The following ST6GALNAC3 variants were observed in gnomAD, a reference collection of about 807,000 sequenced individuals.
ST6GALNAC3 encodes ST6 N-acetylgalactosaminide alpha-2,6-sialyltransferase 3.
ST6GALNAC3 carries 25 observed loss-of-function variants against 32.7 expected under a neutral mutation model. That is an observed-to-expected ratio of 0.76 (90% confidence interval 0.56 to 1.07). The LOEUF is 1.07. Ranked by LOEUF, ST6GALNAC3 falls within the 50% of genes least tolerant of loss-of-function variation. The pLI is 0.00. For synonymous variants in ST6GALNAC3, 129 were observed against 133.1 expected (o/e 0.97, Z 0.21); for missense variants, 355 against 382.4 (o/e 0.93, Z 0.60).
At chr1:76,524,021 C>G (rs1365971774) in intron 3 of ST6GALNAC3, among the ~76,000 whole-genome samples, 1 of 152,058 alleles carries the variant, frequency 6.6e-6, no homozygotes, top group African/African-American at 2.4e-5. Flanking sequence ...TGATTTTAGC[C>G]TCTCTAATAC....
intron 3 of ST6GALNAC3, among the ~76,000 whole-genome samples, chr1:76,467,756 A>T (rs575669076): frequency 1.3e-5 from 2 of 151,940 alleles, no homozygotes; most frequent in South Asian, 4.1e-4. Context: ...ATTAGGAAAA[A>T]TTTTTTGCAA....
At chr1:76,469,976 A>C (rs1658908007) in intron 3 of ST6GALNAC3, among the ~76,000 whole-genome samples, 1 of 152,046 alleles carries the variant, frequency 6.6e-6, no homozygotes. Context: ...TTTTTTGGTA[A>C]CTAGCAATTC....
At chr1:76,134,960 T>A (rs1202631251) in intron 1 of ST6GALNAC3, among the ~76,000 whole-genome samples, 1 of 152,126 alleles carries the variant, frequency 6.6e-6, no homozygotes, top group Non-Finnish European at 1.5e-5. Flanking sequence ...CTGGCCAACA[T>A]GGTAAAACCC....
At chr1:76,613,797 T>C (rs1648098571) in intron 3 of ST6GALNAC3, among the ~76,000 whole-genome samples, 1 of 152,238 alleles carries the variant, frequency 6.6e-6, no homozygotes, top group Non-Finnish European at 1.5e-5. Flanking sequence ...TCTCCAGCAA[T>C]GCTTCCTGGG....
At chr1:76,491,072 G>T (rs562453305) in intron 3 of ST6GALNAC3, among the ~76,000 whole-genome samples, 2 of 152,046 alleles carry the variant, frequency 1.3e-5, no homozygotes, top group African/African-American at 4.8e-5. Flanking sequence ...TGGTCAGGCT[G>T]GTCTCGAACT....
intron 3 of ST6GALNAC3, among the ~76,000 whole-genome samples, chr1:76,505,422 A>G (rs544273751): frequency 9.9e-5 from 15 of 152,250 alleles, no homozygotes; most frequent in African/African-American, 3.6e-4. Flanking sequence ...GCGCCTGGCC[A>G]CCAAAACTAT....
chr1:76,620,914 A>G (rs17099267), intron 3 of ST6GALNAC3, among the ~76,000 whole-genome samples: 7,343 of 152,186 alleles, frequency 0.048, 213 homozygotes, highest in Non-Finnish European at 0.066. Flanking sequence ...AATGAAATCT[A>G]GAAAATCAGC....
chr1:76,422,885 C>G lies in ST6GALNAC3; in HGVS notation c.623+10468C>G, dbSNP rs1001734837. 2.6e-5 allele frequency among the ~76,000 whole-genome samples: 4 copies of G among 151,934 alleles called. No homozygotes were observed. In the East Asian group the frequency reaches 7.7e-4, roughly 29 times the overall value. ...GAGTTTTTTAACCTCCTGTGAAAGT[C>G]CTACTGCAACTCTGTCATTTTATTC... On this transcript the variant is annotated intron_variant, in intron 3 of 4. Coordinates refer to ENST00000328299, the MANE Select transcript of ST6GALNAC3 (RefSeq NM_152996.4).
At chr1:76,264,154 C>A (rs763262071) in intron 1 of ST6GALNAC3, among the ~76,000 whole-genome samples, 1 of 152,014 alleles carries the variant, frequency 6.6e-6, no homozygotes, top group African/African-American at 2.4e-5. Flanking sequence ...AACTTCTCAG[C>A]GAGTAGATAA....
At position 76,490,465 on chromosome 1, in the gene ST6GALNAC3, TAA is replaced by T. The variant is rs779091532; in HGVS notation, c.623+78049_623+78050del. 5.4e-5 allele frequency among the ~76,000 whole-genome samples: 8 copies of T among 148,960 alleles called. No homozygotes were observed. The South Asian group carries it at 8.3e-4, about 15-fold the overall frequency. Reference sequence around the variant, plus strand: ...ATACTTATATGTTATATATTATATATAAGTTATATGAGATATATATTTATATA... The same window carrying T: ...ATACTTATATGTTATATATTATATATGTTATATGAGATATATATTTATATA... On this transcript the variant is annotated intron_variant, in intron 3 of 4. Transcript: ENST00000328299.
At chr1:76,584,560 G>A (rs1295652389) in intron 3 of ST6GALNAC3, among the ~76,000 whole-genome samples, 2 of 152,212 alleles carry the variant, frequency 1.3e-5, no homozygotes, top group Non-Finnish European at 2.9e-5. Flanking sequence ...TTTTGTTCAG[G>A]ATGCATTAGG....
chr1:76,107,790 T>C (rs560969808), intron 1 of ST6GALNAC3, among the ~76,000 whole-genome samples: 34 of 152,274 alleles, frequency 2.2e-4, no homozygotes, highest in African/African-American at 7.9e-4. Flanking sequence ...CTATGGCAGA[T>C]CTACATTCTT....
chr1:76,201,138 T>C (rs1654492799), intron 1 of ST6GALNAC3, among the ~76,000 whole-genome samples: 1 of 152,168 alleles, frequency 6.6e-6, no homozygotes, highest in South Asian at 2.1e-4. Context: ...GAGTTAATCA[T>C]TGAGTTGTGT....
chr1:76,443,492 T>G (rs977377906), intron 3 of ST6GALNAC3, among the ~76,000 whole-genome samples: 1 of 152,224 alleles, frequency 6.6e-6, no homozygotes, highest in African/African-American at 2.4e-5. Flanking sequence ...AGGAGGAGTC[T>G]GCTTCCTGTC....
chr1:76,191,535 C>T (rs1216196408), intron 1 of ST6GALNAC3, among the ~76,000 whole-genome samples: 1 of 152,048 alleles, frequency 6.6e-6, no homozygotes, highest in Non-Finnish European at 1.5e-5. Context: ...TGAGAATGTC[C>T]TCACCATGTA....
intron 1 of ST6GALNAC3, among the ~76,000 whole-genome samples, chr1:76,133,779 G>A (rs1039957011): frequency 1.3e-5 from 2 of 152,208 alleles, no homozygotes; most frequent in Non-Finnish European, 2.9e-5. Flanking sequence ...CCAGGAGGAG[G>A]ATCCCACAGA....
chr1:76,530,860 T>G (rs1354575159), intron 3 of ST6GALNAC3, among the ~76,000 whole-genome samples: 1 of 152,138 alleles, frequency 6.6e-6, no homozygotes, highest in Non-Finnish European at 1.5e-5. Context: ...TGCTATATTC[T>G]AGTCAAGACA....
chr1:76,084,034 A>G (rs1353805903), intron 1 of ST6GALNAC3, among the ~76,000 whole-genome samples: 4 of 152,250 alleles, frequency 2.6e-5, no homozygotes, highest in African/African-American at 9.6e-5. Flanking sequence ...TATGCCAGCC[A>G]TGTTTCAATG....
chr1:76,271,205 G>A (rs776181184), intron 1 of ST6GALNAC3, among the ~76,000 whole-genome samples: 1 of 152,134 alleles, frequency 6.6e-6, no homozygotes, highest in Non-Finnish European at 1.5e-5. Context: ...GATTCTTGTT[G>A]ATTTGGCAAG....
Sources: gnomAD v4.1 joint callset for allele counts (sites outside exome capture counted in the v4.1 genomes callset) on GRCh38, gnomAD v4.1.1 for gene constraint, MANE v1.5 for transcripts, NCBI Gene and HGNC (gene_info 2026-07-23, HGNC 2026-07-21) for gene names.